The following DCHS2 variants were observed in gnomAD, a reference collection of about 807,000 sequenced individuals.
The protein encoded by DCHS2 is protocadherin-23.
DCHS2 carries 142 observed loss-of-function variants against 182.4 expected under a neutral mutation model. The ratio of observed to expected loss-of-function variants is 0.78; its 90% CI spans 0.68 to 0.89. The LOEUF (loss-of-function observed/expected upper bound fraction) is 0.89, where lower values mean the gene tolerates loss of function less well. Ranked by LOEUF, DCHS2 falls within the 40% of genes least tolerant of loss-of-function variation. The pLI, the probability that DCHS2 is intolerant of heterozygous loss-of-function variation, is 0.00. For missense variants in DCHS2, 4,319 were observed against 4,198.6 expected (o/e 1.03, Z -0.79); for synonymous variants, 1,740 against 1,663.3 (o/e 1.05, Z -1.12).
At chr4:154,446,919 G>C (rs1734318697) in intron 1 of DCHS2, among the ~76,000 whole-genome samples, 1 of 151,908 alleles carries the variant, frequency 6.6e-6, no homozygotes, top group African/African-American at 2.4e-5. Context: ...TCACCTGTGA[G>C]GAAGGTGTAT....
chr4:154,374,530 T>C (rs1262407981), intron 2 of DCHS2, among the ~76,000 whole-genome samples: 1 of 152,192 alleles, frequency 6.6e-6, no homozygotes, highest in Non-Finnish European at 1.5e-5. Context: ...TTCCTACATA[T>C]TTTCTTACAT....
intron 14 of DCHS2, among the ~76,000 whole-genome samples, chr4:154,264,179 C>T (rs974618972): frequency 1.3e-5 from 2 of 152,070 alleles, no homozygotes; most frequent in Non-Finnish European, 1.5e-5. Context: ...TTCAGAGAAT[C>T]GTCAAAGAGC....
At chr4:154,249,658 A>C (rs1578856138) in intron 16 of DCHS2, among the ~76,000 whole-genome samples, 1 of 152,142 alleles carries the variant, frequency 6.6e-6, no homozygotes, top group Non-Finnish European at 1.5e-5. Flanking sequence ...CAAAAAGGCA[A>C]CCTAGGTGCC....
Position 154,366,361 on chromosome 4 carries a change from G to A in DCHS2, c.2325C>T (p.Thr775=). Residue 775 remains threonine (T), a synonymous_variant, in exon 3 of 20, where the codon ACC becomes ACT. Coordinates refer to ENST00000357232, the MANE Select transcript of DCHS2 (RefSeq NM_001358235.2). ...NDNHPVFNPS[T]YVTSISDETQ... is the part of the protein sequence containing the mutation. ...TCTCATCACTGATGCTCGTCACATA[G>A]GTTGATGGGTTAAACACAGGATGAT... 1.2e-6 allele frequency: 2 copies of A among 1,613,906 alleles called. No individual in the cohort carries two copies. The highest frequency in any genetic ancestry group is 3.3e-4 in the Middle Eastern group (2 of 6,048).
Position 154,234,493 on chromosome 4 carries a change from A to G in DCHS2, c.*43T>C, listed in dbSNP as rs1185249876. 6.6e-7 allele frequency: 1 copy of G among 1,507,260 alleles called. No individual in the cohort carries two copies. The highest frequency in any genetic ancestry group is 1.4e-5 in the South Asian group (1 of 71,542). 93.4% of individuals were successfully genotyped at this position (1,507,260 alleles called of 1,614,324 possible). ...TGGCTTGAAAACATTTTGTTCATTC[A>G]TTCATGACCAATGGTGAGCAGGTAC... On this transcript the variant is annotated 3_prime_UTR_variant, in exon 20 of 20. Coordinates refer to ENST00000357232, the MANE Select transcript of DCHS2 (RefSeq NM_001358235.2).
intron 12 of DCHS2, among the ~76,000 whole-genome samples, chr4:154,300,756 A>G (rs1735167012): frequency 6.6e-6 from 1 of 152,104 alleles, no homozygotes; most frequent in Non-Finnish European, 1.5e-5. Context: ...TAGGAGTCAT[A>G]GTAATCTACT....
chr4:154,349,971 T>A (rs1291557041), intron 3 of DCHS2, among the ~76,000 whole-genome samples: 1 of 152,214 alleles, frequency 6.6e-6, no homozygotes, highest in Non-Finnish European at 1.5e-5. Flanking sequence ...TATCTCTGAG[T>A]CTGGAATCTG....
At chr4:154,376,644 T>C (rs1730913672) in intron 2 of DCHS2, among the ~76,000 whole-genome samples, 1 of 152,152 alleles carries the variant, frequency 6.6e-6, no homozygotes, top group African/African-American at 2.4e-5. Context: ...AAAATAATGG[T>C]ATGTGTCTGC....
Position 154,490,248 on chromosome 4 carries a change from GTC to G in DCHS2, c.1106_1107del (p.Arg369ThrfsTer24). ...EELSGVVRVW[R>X]PLDREAQAWH... is the part of the protein sequence containing the mutation. ...CAGGCCTGTGCCTCGCGGTCCAGAG[GTC>G]TCCACACTCGCACCACGCCGCTCAG... On this transcript the variant is annotated frameshift_variant, in exon 1 of 20. Coordinates refer to ENST00000357232, the MANE Select transcript of DCHS2 (RefSeq NM_001358235.2). LOFTEE classifies it high-confidence loss of function. 1 of 1,549,528 alleles carries G rather than the reference GTC, an allele frequency of 6.5e-7. No homozygotes were observed. The highest frequency in any genetic ancestry group is 8.7e-7 in the Non-Finnish European group (1 of 1,146,824).
Position 154,235,259 on chromosome 4 carries a change from T to C in DCHS2, c.9393A>G (p.Pro3131=), listed in dbSNP as rs754770354. 3.1e-6 allele frequency: 5 copies of C among 1,614,110 alleles called. No individual in the cohort carries two copies. The highest frequency in any genetic ancestry group is 3.4e-6 in the Non-Finnish European group (4 of 1,179,976). The stretch of plus-strand genomic sequence containing the variant: ...CTGAGTCCCTCGGGATACCCGAGTC[T>C]GGCACCCTGGACTCGTGGTCACTCA... The part of the protein sequence containing the change: ...SALSDHESRV[P]DSGIPRDSDQ... Residue 3131 remains proline, a synonymous_variant, in exon 20 of 20, where the codon CCA becomes CCG. Transcript: ENST00000357232.
At chr4:154,481,662 G>GTGC (rs1470306944) in intron 1 of DCHS2, among the ~76,000 whole-genome samples, 1 of 152,164 alleles carries the variant, frequency 6.6e-6, no homozygotes, top group East Asian at 1.9e-4. Flanking sequence ...GTGCTAGGCA[G>GTGC]TGCTCTGTGT....
At chr4:154,239,752 G>A (rs1449706514) in intron 18 of DCHS2, among the ~76,000 whole-genome samples, 2 of 151,976 alleles carry the variant, frequency 1.3e-5, no homozygotes, top group African/African-American at 2.4e-5. Flanking sequence ...CAGGTGATCC[G>A]CCCACCTCAG....
At position 154,270,101 on chromosome 4, in the gene DCHS2, C is replaced by G. The variant is rs1241434534; in HGVS notation, c.6464-88G>C. On this transcript the variant is annotated intron_variant, in intron 13 of 19. Transcript: ENST00000357232. ...GAAAATACTGATTATTTATTATTTG[C>G]CTACTATGTTTTCACTTGTTCATTG... is the stretch of plus-strand genomic sequence containing the variant. The G allele has an allele frequency of 3.5e-6, 5 of 1,440,444 alleles. No individual in the cohort carries two copies. The East Asian group carries it at 1.2e-4, about 35-fold the overall frequency. The allele number at this position is 1,440,444 out of a possible 1,614,324, so 89.2% of individuals were successfully genotyped here.
chr4:154,433,310 G>A (rs1733634203), intron 1 of DCHS2, among the ~76,000 whole-genome samples: 1 of 151,836 alleles, frequency 6.6e-6, no homozygotes. Context: ...GCCTTCAGAG[G>A]GACCATGGCC....
intron 14 of DCHS2, among the ~76,000 whole-genome samples, chr4:154,260,226 G>A (rs924785577): frequency 2.0e-5 from 3 of 152,148 alleles, no homozygotes; most frequent in East Asian, 1.9e-4. Context: ...CCACCGACCC[G>A]GGTCATTGTG....
At position 154,490,492 on chromosome 4, in the gene DCHS2, A is replaced by G; in HGVS notation, c.864T>C (p.Asp288=). ...GLLSVELRVL[D]ENDNPPVFEQ... is the part of the protein sequence containing the mutation. Reference sequence around the variant, plus strand: ...CAAAGACCGGCGGGTTGTCGTTCTCATCCAGCACGCGCAGCTCCACGCTCA... The same window carrying G: ...CAAAGACCGGCGGGTTGTCGTTCTCGTCCAGCACGCGCAGCTCCACGCTCA... The change falls in exon 1 of 20, where the codon GAT becomes GAC. Residue 288 remains aspartate (D), a synonymous_variant. Transcript: ENST00000357232. The G allele has an allele frequency of 6.5e-7, 1 of 1,536,870 alleles. No individual in the cohort carries two copies. The highest frequency in any genetic ancestry group is 1.2e-5 in the South Asian group (1 of 83,972).
At chr4:154,250,238 C>G (rs891446271) in intron 16 of DCHS2, among the ~76,000 whole-genome samples, 4 of 151,978 alleles carry the variant, frequency 2.6e-5, no homozygotes, top group Admixed American at 2.6e-4. Context: ...TTCTTTCAGC[C>G]CAACCTCTCC....
At chr4:154,319,466 A>G (rs982003352) in intron 9 of DCHS2, among the ~76,000 whole-genome samples, 2 of 151,796 alleles carry the variant, frequency 1.3e-5, no homozygotes, top group Admixed American at 1.3e-4. Context: ...ATATAAAAAA[A>G]CTCCTACAAC....
rs1735065102 is a variant in DCHS2, at chr4:154,298,588, C to T, written c.5726G>A (p.Gly1909Glu). The T allele has an allele frequency of 1.2e-6, 2 of 1,614,112 alleles. No individual in the cohort carries two copies. Among genetic ancestry groups the T allele is most frequent in the Non-Finnish European group, 1.7e-6 (2 of 1,179,986 alleles). ...TATTACAGAGCTCCTAGGTGGATCTCCCAGGTCAGAGCACAGAATGACAAG... is the reference window on the plus strand; with the variant it reads ...TATTACAGAGCTCCTAGGTGGATCTTCCAGGTCAGAGCACAGAATGACAAG... The part of the protein sequence containing the change: ...FTLVILCSDL[G>E]DPPRSSVIHL... The change falls in exon 13 of 20, where the codon GGA becomes GAA. Residue 1909 changes from glycine (G) to glutamate (E), a missense_variant. Transcript: ENST00000357232.
Sources: gnomAD v4.1 joint callset for allele counts (sites outside exome capture counted in the v4.1 genomes callset) on GRCh38, gnomAD v4.1.1 for gene constraint, MANE v1.5 for transcripts, NCBI Gene and HGNC (gene_info 2026-07-23, HGNC 2026-07-21) for gene names.